Variants in ROR2 observed in about 807,000 individuals in gnomAD.
ROR2 encodes the protein tyrosine-protein kinase transmembrane receptor ROR2.
ROR2 carries 33 observed loss-of-function variants against 74.9 expected under a neutral mutation model. The ratio of observed to expected loss-of-function variants is 0.44; its 90% CI spans 0.33 to 0.59. The LOEUF (loss-of-function observed/expected upper bound fraction) is 0.59. ROR2 is among the 20% of genes least tolerant of loss of function. The pLI is 0.02. For synonymous variants in ROR2, 586 were observed against 558.7 expected (o/e 1.05, Z -0.69); for missense variants, 1,216 against 1,313.8 (o/e 0.93, Z 1.15).
At chr9:91,811,257 C>T (rs547222638) in intron 1 of ROR2, among the ~76,000 whole-genome samples, 1 of 152,342 alleles carries the variant, frequency 6.6e-6, no homozygotes, top group South Asian at 2.1e-4. Context: ...GCTGTCCCTC[C>T]AGGGGAACCC....
At chr9:91,817,846 A>G (rs1050289259) in intron 1 of ROR2, among the ~76,000 whole-genome samples, 9 of 147,954 alleles carry the variant, frequency 6.1e-5, no homozygotes, top group Non-Finnish European at 1.3e-4. Context: ...AGGGAGGAGG[A>G]GGGGAAAGAG....
intron 1 of ROR2, among the ~76,000 whole-genome samples, chr9:91,811,890 C>G (rs1374390400): frequency 6.6e-6 from 1 of 152,174 alleles, no homozygotes; most frequent in Non-Finnish European, 1.5e-5. Context: ...GCCTTGCTCC[C>G]AGGGGAGCTC....
chr9:91,897,647 C>T (rs894099971), intron 1 of ROR2, among the ~76,000 whole-genome samples: 4 of 152,140 alleles, frequency 2.6e-5, no homozygotes, highest in African/African-American at 9.7e-5. Context: ...GCTTGTGGAG[C>T]AGAAGACAGG....
intron 1 of ROR2, among the ~76,000 whole-genome samples, chr9:91,852,020 A>C (rs1438856909): frequency 1.3e-5 from 2 of 150,822 alleles, no homozygotes; most frequent in Admixed American, 6.6e-5. Flanking sequence ...CAGTTAGTCT[A>C]ATCTTCTTTC....
intron 1 of ROR2, among the ~76,000 whole-genome samples, chr9:91,945,739 T>C (rs963973513): frequency 6.6e-6 from 1 of 152,240 alleles, no homozygotes; most frequent in African/African-American, 2.4e-5. Flanking sequence ...AAAAGCTTTA[T>C]GAAAATTCCC....
intron 4 of ROR2, among the ~76,000 whole-genome samples, chr9:91,754,388 G>A (rs1198714253): frequency 6.6e-6 from 1 of 151,942 alleles, no homozygotes; most frequent in Non-Finnish European, 1.5e-5. Flanking sequence ...CGGGTGCAGT[G>A]GCTCATGCCT....
chr9:91,796,285 T>C (rs1827162002), intron 1 of ROR2, among the ~76,000 whole-genome samples: 1 of 151,800 alleles, frequency 6.6e-6, no homozygotes, highest in Non-Finnish European at 1.5e-5. Flanking sequence ...CTACAAAAAT[T>C]AGCTGGGCAT....
intron 1 of ROR2, among the ~76,000 whole-genome samples, chr9:91,944,403 A>C (rs1436529620): frequency 6.6e-6 from 1 of 152,226 alleles, no homozygotes; most frequent in African/African-American, 2.4e-5. Flanking sequence ...AATAAAAGGC[A>C]TCCAAATTGT....
chr9:91,844,643 C>T (rs1828871824), intron 1 of ROR2, among the ~76,000 whole-genome samples: 1 of 152,150 alleles, frequency 6.6e-6, no homozygotes, highest in South Asian at 2.1e-4. Context: ...GAACTGCAGC[C>T]CCGGATGGGC....
chr9:91,788,541 GA>G (rs535562671), intron 1 of ROR2, among the ~76,000 whole-genome samples: 12,994 of 141,380 alleles, frequency 0.092, 644 homozygotes, highest in Middle Eastern at 0.15. Flanking sequence ...TAGTGTTGGG[GA>G]AAAAAAAAAA....
intron 1 of ROR2, among the ~76,000 whole-genome samples, chr9:91,846,273 T>G (rs889601472): frequency 4.6e-5 from 7 of 151,994 alleles, no homozygotes; most frequent in Non-Finnish European, 1.0e-4. Flanking sequence ...GTGTTTGGAG[T>G]CGGGGCCTGT....
chr9:91,818,356 G>A (rs1474028528), intron 1 of ROR2, among the ~76,000 whole-genome samples: 1 of 152,062 alleles, frequency 6.6e-6, no homozygotes, highest in Non-Finnish European at 1.5e-5. Context: ...GCACAACCAC[G>A]TATCTTTTGC....
intron 1 of ROR2, among the ~76,000 whole-genome samples, chr9:91,886,320 T>C (rs1300546196): frequency 1.3e-5 from 2 of 152,078 alleles, no homozygotes; most frequent in Non-Finnish European, 2.9e-5. Context: ...AGGGCCATCA[T>C]TCTCCCCCTC....
At chr9:91,939,561 C>A (rs1831794148) in intron 1 of ROR2, among the ~76,000 whole-genome samples, 1 of 152,034 alleles carries the variant, frequency 6.6e-6, no homozygotes, top group Admixed American at 6.5e-5. Context: ...TCTCACTGAT[C>A]TTGTGAATTC....
chr9:91,763,199 G>A (rs1368657350), intron 2 of ROR2, among the ~76,000 whole-genome samples: 2 of 152,148 alleles, frequency 1.3e-5, no homozygotes, highest in East Asian at 1.9e-4. Flanking sequence ...GGAGGGTGAG[G>A]ATTAAAAAAC....
At chr9:91,739,125 C>T (rs141569627) in intron 4 of ROR2, among the ~76,000 whole-genome samples, 1 of 152,218 alleles carries the variant, frequency 6.6e-6, no homozygotes, top group Non-Finnish European at 1.5e-5. Flanking sequence ...TCCAGAAAAT[C>T]TGGAACCTAC....
intron 2 of ROR2, among the ~76,000 whole-genome samples, chr9:91,771,712 CCTCTCTCTCTTCTCTCTCT>C (rs1169355430): frequency 6.8e-6 from 1 of 146,428 alleles, no homozygotes; most frequent in Non-Finnish European, 1.5e-5. Context: ...CTCTCTCTCT[CCTCTCTCTCTTCTCTCTCT>C]CTCTCTCGAT....
intron 4 of ROR2, among the ~76,000 whole-genome samples, chr9:91,739,754 T>A (rs1289831290): frequency 6.6e-6 from 1 of 152,170 alleles, no homozygotes; most frequent in Non-Finnish European, 1.5e-5. Flanking sequence ...AAGGGTTCCT[T>A]AAAGGTAGTT....
chr9:91,737,581 C>A (rs2118729482), intron 4 of ROR2, 63 bp from the exon 5 acceptor site: 1 of 1,611,812 alleles, frequency 6.2e-7, no homozygotes, highest in Middle Eastern at 1.7e-4. Flanking sequence ...CCAATGACTT[C>A]TTTTATGATC....
Sources: allele counts gnomAD v4.1 joint callset (sites outside exome capture counted in the v4.1 genomes callset), GRCh38; gene constraint gnomAD v4.1.1; transcripts MANE v1.5; gene names NCBI Gene and HGNC (gene_info 2026-07-23, HGNC 2026-07-21).